The following PEX5L variants were observed in gnomAD, a reference collection of about 807,000 sequenced individuals.
PEX5L encodes the protein PEX5-related protein.
Under a neutral mutation model 84.0 loss-of-function variants are expected in PEX5L, and 30 were observed. The ratio of observed to expected loss-of-function variants is 0.36; its 90% CI spans 0.27 to 0.48. The LOEUF is 0.48. Among genes scored for constraint, PEX5L ranks in the 20% least tolerant of loss-of-function variants. The pLI, the probability that PEX5L is intolerant of heterozygous loss-of-function variation, is 0.99. For missense variants in PEX5L, 533 were observed against 754.6 expected (o/e 0.71, Z 3.44); for synonymous variants, 270 against 283.1 (o/e 0.95, Z 0.46).
At chr3:179,991,920 T>A (rs1787416237) in intron 1 of PEX5L, among the ~76,000 whole-genome samples, 1 of 152,216 alleles carries the variant, frequency 6.6e-6, no homozygotes, top group Non-Finnish European at 1.5e-5. Context: ...AAAAATCAAA[T>A]CTAGGCTCAT....
rs1298308847 is a variant in PEX5L, at chr3:179,813,977, T to G, written c.1083+1884A>C. 4.3e-5 allele frequency among the ~76,000 whole-genome samples: 3 copies of G among 69,546 alleles called. No individual in the cohort carries two copies. In the East Asian group the frequency reaches 8.8e-4, roughly 20 times the overall value. 45.6% of individuals were successfully genotyped at this position (69,546 alleles called of 152,430 possible). A position where few individuals can be genotyped will look rare whatever the true frequency, so the allele number is the denominator to read the frequency against. Reference sequence around the variant, plus strand: ...AGGCGTGAGCCACCGCGCCCGGCCATTTTTTTTTTTTTTTTGTATTTTTAC... The same window carrying G: ...AGGCGTGAGCCACCGCGCCCGGCCAGTTTTTTTTTTTTTTTGTATTTTTAC... On this transcript the variant is annotated intron_variant, in intron 10 of 14. Transcript: ENST00000467460.
intron 7 of PEX5L, among the ~76,000 whole-genome samples, chr3:179,868,140 A>T (rs1165894705): frequency 6.7e-6 from 1 of 148,992 alleles, no homozygotes; most frequent in Non-Finnish European, 1.5e-5. Context: ...TTGGTCTCCC[A>T]AAGTGCTAGG....
intron 1 of PEX5L, among the ~76,000 whole-genome samples, chr3:179,989,152 A>G (rs1333902106): frequency 1.3e-5 from 2 of 152,170 alleles, no homozygotes; most frequent in African/African-American, 4.8e-5. Flanking sequence ...GTCTGGTTCT[A>G]CCCACTATAG....
rs560115865 is a variant in PEX5L, at chr3:179,795,666, T to C, written c.*6162A>G. 10 of 152,204 alleles carry C rather than the reference T, an allele frequency of 6.6e-5. No homozygotes were observed. The highest frequency in any genetic ancestry group is 1.3e-4 in the Non-Finnish European group (9 of 68,026). The allele number at this position is 152,204 out of a possible 1,614,324, so 9.4% of individuals were successfully genotyped here. A position where few individuals can be genotyped will look rare whatever the true frequency, so the allele number is the denominator to read the frequency against. On this transcript the variant is annotated 3_prime_UTR_variant, in exon 15 of 15. Transcript: ENST00000467460. The stretch of plus-strand genomic sequence containing the variant: ...AACATTTAAACTTAAATTTTTTTCT[T>C]GTTATCTATTTCAGCCTGAAAATGA...
chr3:179,947,541 T>C (rs1188483178), intron 2 of PEX5L, among the ~76,000 whole-genome samples: 1 of 152,026 alleles, frequency 6.6e-6, no homozygotes, highest in Non-Finnish European at 1.5e-5. Context: ...TCTATTACAG[T>C]AGTAGAATAA....
intron 8 of PEX5L, among the ~76,000 whole-genome samples, chr3:179,850,376 C>T (rs572030008): frequency 2.0e-3 from 305 of 152,270 alleles, no homozygotes; most frequent in Admixed American, 3.4e-3. Context: ...ATCCACCCAC[C>T]TCAGCCTCCC....
At chr3:179,912,262 C>A (rs555600578) in intron 2 of PEX5L, among the ~76,000 whole-genome samples, 3 of 152,124 alleles carry the variant, frequency 2.0e-5, no homozygotes, top group South Asian at 4.1e-4. Context: ...CCCCACTAAC[C>A]CCTACATTTT....
At chr3:179,930,705 C>A (rs975256997) in intron 2 of PEX5L, among the ~76,000 whole-genome samples, 1 of 152,180 alleles carries the variant, frequency 6.6e-6, no homozygotes, top group Non-Finnish European at 1.5e-5. Flanking sequence ...TAGGATCTGT[C>A]ATTCAAAGTG....
chr3:179,953,794 T>C (rs902753190), intron 2 of PEX5L, among the ~76,000 whole-genome samples: 1 of 152,070 alleles, frequency 6.6e-6, no homozygotes, highest in Non-Finnish European at 1.5e-5. Flanking sequence ...GCCTCGCCGA[T>C]GGATGAAATA....
intron 1 of PEX5L, among the ~76,000 whole-genome samples, chr3:180,013,822 T>C (rs1200525552): frequency 6.6e-6 from 1 of 152,244 alleles, no homozygotes; most frequent in Admixed American, 6.5e-5. Context: ...AATGATTGTA[T>C]TATGACTGAT....
intron 1 of PEX5L, among the ~76,000 whole-genome samples, chr3:179,989,340 A>T (rs1363370637): frequency 1.3e-5 from 2 of 152,208 alleles, no homozygotes; most frequent in African/African-American, 4.8e-5. Flanking sequence ...ATATTTAGGT[A>T]TAACTTTTTC....
At chr3:179,931,047 A>AAC (rs1379680192) in intron 2 of PEX5L, among the ~76,000 whole-genome samples, 3 of 152,210 alleles carry the variant, frequency 2.0e-5, no homozygotes, top group African/African-American at 4.8e-5. Flanking sequence ...TAAATTAAAA[A>AAC]ACACACACAC....
intron 2 of PEX5L, among the ~76,000 whole-genome samples, chr3:179,912,967 C>T (rs1765693069): frequency 6.6e-6 from 1 of 152,116 alleles, no homozygotes; most frequent in Non-Finnish European, 1.5e-5. Flanking sequence ...GTCATATCCT[C>T]ATCCTTCAAA....
At chr3:180,029,599 C>T (rs1325036239) in intron 1 of PEX5L, among the ~76,000 whole-genome samples, 1 of 152,128 alleles carries the variant, frequency 6.6e-6, no homozygotes, top group African/African-American at 2.4e-5. Context: ...GGGACTTCGT[C>T]TTGCCTCTGT....
intron 1 of PEX5L, among the ~76,000 whole-genome samples, chr3:179,991,178 T>G (rs1787344754): frequency 6.6e-6 from 1 of 152,196 alleles, no homozygotes; most frequent in African/African-American, 2.4e-5. Flanking sequence ...TTAACCTGAC[T>G]TGGAGCTCCC....
intron 7 of PEX5L, 42 bp from the exon 8 acceptor site, chr3:179,859,199 CAT>C (rs760075999): frequency 6.5e-5 from 90 of 1,384,990 alleles, no homozygotes; most frequent in Non-Finnish European, 8.6e-5. Context: ...ATTAGAATCA[CAT>C]GTTATTATAG....
At chr3:179,930,590 TC>T (rs1772815151) in intron 2 of PEX5L, among the ~76,000 whole-genome samples, 1 of 152,204 alleles carries the variant, frequency 6.6e-6, no homozygotes, top group Admixed American at 6.5e-5. Context: ...GTCTGGTCTT[TC>T]TCTAACTTAC....
At chr3:179,948,893 G>C (rs1400393690) in intron 2 of PEX5L, among the ~76,000 whole-genome samples, 1 of 152,162 alleles carries the variant, frequency 6.6e-6, no homozygotes. Flanking sequence ...GAGCATTTTT[G>C]CTGATGTTGA....
chr3:179,990,561 A>G (rs1354795476), intron 1 of PEX5L, among the ~76,000 whole-genome samples: 1 of 151,944 alleles, frequency 6.6e-6, no homozygotes, highest in Non-Finnish European at 1.5e-5. Context: ...ACCACACCAA[A>G]CTATTTTTTA....
Sources: gnomAD v4.1 joint callset for allele counts (sites outside exome capture counted in the v4.1 genomes callset) on GRCh38, gnomAD v4.1.1 for gene constraint, MANE v1.5 for transcripts, NCBI Gene and HGNC (gene_info 2026-07-23, HGNC 2026-07-21) for gene names.